Variants in SELENOS observed in about 807,000 individuals in gnomAD.
SELENOS encodes VCP interacting membrane selenoprotein.
A neutral mutation model predicts 30.2 loss-of-function variants in SELENOS; 37 were observed. The ratio of observed to expected loss-of-function variants is 1.23; its 90% CI spans 0.94 to 1.61. The LOEUF is 1.61. SELENOS is among the 40% of genes most tolerant of loss of function. The pLI, the probability that SELENOS is intolerant of heterozygous loss-of-function variation, is 0.00. For synonymous variants in SELENOS, 119 were observed against 91.6 expected, an observed-to-expected ratio of 1.30 and a Z score of -1.71; for missense variants, 289 against 231.8, an observed-to-expected ratio of 1.25 and a Z score of -1.60.
intron 3 of SELENOS, 181 bp from the exon 4 acceptor site, chr15:101,274,862 G>T: frequency 1.4e-6 from 1 of 695,088 alleles, no homozygotes; most frequent in South Asian, 1.9e-5. Context: ...GAGCAGCTTT[G>T]GTTTTTGTAC....
At chr15:101,276,255 T>G (rs897676114) in intron 2 of SELENOS, among the ~76,000 whole-genome samples, 1 of 149,784 alleles carries the variant, frequency 6.7e-6, no homozygotes, top group East Asian at 2.0e-4. Context: ...TTTTTTTTTT[T>G]TTTTTTTTAA....
rs1043148135 is a variant in SELENOS, at chr15:101,274,627, C to G, written c.373G>C (p.Gly125Arg). ...KIEMWDSMQE[G>R]KSYKGNAKKP... ...TTTGCATTTCCTTTGTAACTTTTTCCTTCTTGCATGCTGTCCCACATTTCA... is the reference window on the plus strand; with the variant it reads ...TTTGCATTTCCTTTGTAACTTTTTCGTTCTTGCATGCTGTCCCACATTTCA... Residue 125 changes from glycine to arginine, a missense_variant, in exon 4 of 6, where the codon GGA becomes CGA. Physicochemically the swap from Gly to Arg is moderately radical, Grantham distance 125 (BLOSUM62 -2). Coordinates refer to ENST00000526049, the MANE Select transcript of SELENOS (RefSeq NM_018445.6). 6.2e-7 allele frequency: 1 copy of G among 1,613,682 alleles called. No individual in the cohort carries two copies. The highest frequency in any genetic ancestry group is 8.5e-7 in the Non-Finnish European group (1 of 1,179,820).
intron 3 of SELENOS, 42 bp from the exon 4 acceptor site, chr15:101,274,723 C>G: frequency 1.3e-6 from 2 of 1,559,648 alleles, no homozygotes; most frequent in Non-Finnish European, 1.7e-6. Flanking sequence ...TCAGAAGCTG[C>G]CATTTCTCTC....
chr15:101,272,470 C>T lies in SELENOS; in HGVS notation c.*301G>A, dbSNP rs761214408. 8.4e-5 allele frequency: 26 copies of T among 307,830 alleles called. 1 individual carries two copies. Among genetic ancestry groups the T allele is most frequent in the African/African-American group, 1.3e-4 (6 of 46,732 alleles). The allele number at this position is 307,830 out of a possible 1,614,324, so 19.1% of individuals were successfully genotyped here. The stretch of plus-strand genomic sequence containing the variant: ...GATTTCTAACCTCAAAAGAACATTA[C>T]TAGGCCTCTTTTATCAAGATTGCTA... On this transcript the variant is annotated 3_prime_UTR_variant, in exon 6 of 6. Coordinates refer to ENST00000526049, the MANE Select transcript of SELENOS (RefSeq NM_018445.6).
chr15:101,272,214 AATG>A lies in SELENOS; in HGVS notation c.*554_*556del, dbSNP rs2039275297. The A allele has an allele frequency of 6.6e-6, 1 of 152,262 alleles. No homozygotes were observed. Among genetic ancestry groups the A allele is most frequent in the African/African-American group, 2.4e-5 (1 of 41,476 alleles). The allele number at this position is 152,262 out of a possible 1,614,324, so 9.4% of individuals were successfully genotyped here. A position where few individuals can be genotyped will look rare whatever the true frequency, so the allele number is the denominator to read the frequency against. On this transcript the variant is annotated 3_prime_UTR_variant, in exon 6 of 6. Transcript: ENST00000526049. Reference sequence around the variant, plus strand: ...TAGAGGTTGTAATAAAAAGCTATTTAATGTTTGATAGACAAATTGAAGTCCATA... The same window carrying A: ...TAGAGGTTGTAATAAAAAGCTATTTATTTGATAGACAAATTGAAGTCCATA...
At chr15:101,275,191 C>A in intron 3 of SELENOS, 64 bp downstream of exon 3, 2 of 1,373,270 alleles carry the variant, frequency 1.5e-6, no homozygotes, top group South Asian at 1.5e-5. Flanking sequence ...CAGACACAGG[C>A]ATCGTTAGCC....
At chr15:101,273,392 T>TA (rs1364927095) in intron 5 of SELENOS, among the ~76,000 whole-genome samples, 2 of 152,182 alleles carry the variant, frequency 1.3e-5, no homozygotes, top group African/African-American at 4.8e-5. Flanking sequence ...ACCCAGAACT[T>TA]AAATGTTACT....
rs759177718 is a variant in SELENOS at position 101,277,394 on chromosome 15, CAG to C, written c.22_23del (p.Leu8ValfsTer65). 1.2e-4 allele frequency: 184 copies of C among 1,503,070 alleles called. No homozygotes were observed. The highest frequency in any genetic ancestry group is 3.2e-4 in the South Asian group (26 of 80,708). The allele number at this position is 1,503,070 out of a possible 1,614,324, so 93.1% of individuals were successfully genotyped here. ...CGGTCTCCAGGGCCGGCCGCGCGGA[CAG>C]AGACTCCTCTTGGCGTTCCATGACC... is the stretch of plus-strand genomic sequence containing the variant. MERQEES[L>X]SARPALETEG... is the part of the protein sequence containing the mutation. On this transcript the variant is annotated frameshift_variant, in exon 1 of 6. Coordinates refer to ENST00000526049, the MANE Select transcript of SELENOS (RefSeq NM_018445.6). LOFTEE classifies it high-confidence loss of function.
intron 1 of SELENOS, chr15:101,277,084 A>T: frequency 1.5e-6 from 1 of 685,234 alleles, no homozygotes; most frequent in East Asian, 2.8e-5. Context: ...GACCCCAGTA[A>T]CTACCACAGG....
intron 2 of SELENOS, 164 bp downstream of exon 2, chr15:101,276,377 C>A: frequency 1.1e-6 from 1 of 888,382 alleles, no homozygotes; most frequent in Non-Finnish European, 1.6e-6. Flanking sequence ...GCCTCCTGAG[C>A]AGCTGGGACT....
rs528484214 is a variant in SELENOS at position 101,272,700 on chromosome 15, G to C, written c.*71C>G. 4 of 1,474,500 alleles carry C rather than the reference G, an allele frequency of 2.7e-6. No homozygotes were observed. The highest frequency in any genetic ancestry group is 2.0e-5 in the Admixed American group (1 of 50,844). The allele number at this position is 1,474,500 out of a possible 1,614,324, so 91.3% of individuals were successfully genotyped here. A position where few individuals can be genotyped will look rare whatever the true frequency, so the allele number is the denominator to read the frequency against. Reference sequence around the variant, plus strand: ...CCCTTGGCTAGTCACTGTGAAAAGCGTGCGTAAGGCAATTGAATCGAGGGT... The same window carrying C: ...CCCTTGGCTAGTCACTGTGAAAAGCCTGCGTAAGGCAATTGAATCGAGGGT... On this transcript the variant is annotated 3_prime_UTR_variant, in exon 6 of 6. Transcript: ENST00000526049.
intron 2 of SELENOS, among the ~76,000 whole-genome samples, chr15:101,275,679 C>A (rs185597097): frequency 5.3e-5 from 8 of 152,198 alleles, no homozygotes; most frequent in African/African-American, 1.9e-4. Context: ...ATCTTGGATA[C>A]CTCAGTGACA....
At chr15:101,271,801 G>A (rs192100593), downstream of SELENOS, among the ~76,000 whole-genome samples, 447 of 152,286 alleles carry the variant, frequency 2.9e-3, 2 homozygotes, top group Non-Finnish European at 5.5e-3. Flanking sequence ...TCCAGCCCAT[G>A]AGCAGAGAAT....
At chr15:101,271,114 A>G (rs923521676), downstream of SELENOS, 2 of 152,256 alleles carry the variant, frequency 1.3e-5, no homozygotes, top group Admixed American at 1.3e-4. Flanking sequence ...GCTCTGCTGC[A>G]TATGAAACCC....
At chr15:101,277,187 C>G (rs2039338048) in intron 1 of SELENOS, 155 bp downstream of exon 1, 1 of 1,290,724 alleles carries the variant, frequency 7.7e-7, no homozygotes, top group Non-Finnish European at 1.1e-6. Context: ...GCGCAAGGTC[C>G]GGGCCTGCTG....
rs1414188294 is a variant in SELENOS, at chr15:101,272,260, A to G, written c.*511T>C. Reference sequence around the variant, plus strand: ...AGTCCATAAATCTCCTTGAATAAAGATGCTAAAAATGTTATTCTTGTTTTT... The same window carrying G: ...AGTCCATAAATCTCCTTGAATAAAGGTGCTAAAAATGTTATTCTTGTTTTT... On this transcript the variant is annotated 3_prime_UTR_variant, in exon 6 of 6. Transcript: ENST00000526049. 1 of 152,288 alleles carries G rather than the reference A, an allele frequency of 6.6e-6. No homozygotes were observed. Among genetic ancestry groups the G allele is most frequent in the East Asian group, 1.9e-4 (1 of 5,208 alleles). 9.4% of individuals were successfully genotyped at this position (152,288 alleles called of 1,614,324 possible).
chr15:101,272,979 G>A (rs983169267), intron 5 of SELENOS, 123 bp from the exon 6 acceptor site: 1 of 814,314 alleles, frequency 1.2e-6, no homozygotes, highest in Non-Finnish European at 1.9e-6. Context: ...AGATCCTAAG[G>A]GACATTTAAA....
At chr15:101,277,259 G>A (rs558074324) in intron 1 of SELENOS, 83 bp downstream of exon 1, 7 of 1,520,558 alleles carry the variant, frequency 4.6e-6, no homozygotes, top group African/African-American at 1.4e-5. Context: ...TCCGGCGCCC[G>A]GTGCAGCGGC....
intron 1 of SELENOS, chr15:101,277,029 G>A: frequency 1.7e-6 from 1 of 578,850 alleles, no homozygotes; most frequent in Non-Finnish European, 3.1e-6. Flanking sequence ...AGTGTGTATG[G>A]GGCTGTGTGG....
Sources: allele counts gnomAD v4.1 joint callset (sites outside exome capture counted in the v4.1 genomes callset), GRCh38; gene constraint gnomAD v4.1.1; transcripts MANE v1.5; gene names NCBI Gene and HGNC (gene_info 2026-07-23, HGNC 2026-07-21).